The following TJP2 variants were observed in gnomAD, a reference collection of about 807,000 sequenced individuals.
The protein encoded by TJP2 is tight junction protein 2.
In TJP2, 91 loss-of-function variants were observed where a neutral mutation model predicts 133.1. The observed-to-expected ratio is 0.68, with a 90% confidence interval of 0.58 to 0.81. TJP2 has a LOEUF of 0.81. Among genes scored for constraint, TJP2 ranks in the 40% least tolerant of loss-of-function variants. TJP2 has a pLI of 0.00. For synonymous variants in TJP2, 592 were observed against 583.4 expected (o/e 1.01, Z -0.21); for missense variants, 1,541 against 1,565.6 (o/e 0.98, Z 0.26).
intron 18 of TJP2, among the ~76,000 whole-genome samples, chr9:69,247,637 G>A (rs962873197): frequency 6.6e-6 from 1 of 152,168 alleles, no homozygotes; most frequent in Non-Finnish European, 1.5e-5. Context: ...AGGCATGGAT[G>A]TGAGTGTAGC....
intron 15 of TJP2, among the ~76,000 whole-genome samples, chr9:69,238,466 T>G (rs1317467862): frequency 6.6e-6 from 1 of 152,214 alleles, no homozygotes; most frequent in South Asian, 2.1e-4. Flanking sequence ...TCTAAATAAC[T>G]TTGTTACACT....
At chr9:69,173,977 G>C (rs1026607694), upstream of TJP2, 2 of 985,140 alleles carry the variant, frequency 2.0e-6, no homozygotes, top group African/African-American at 1.7e-5. Context: ...GTGCAGGCGT[G>C]GGGGCTGCGG....
Position 69,248,159 on chromosome 9 carries a change from G to T in TJP2, c.2815G>T (p.Glu939Ter), listed in dbSNP as rs1299863699. ...GGAYTDNELD[E>*]PAEEPLVSSI... ...CGCCTACACTGACAATGAGCTGGAT[G>T]AGCCAGCCGAGGAGCCGCTGGTGTC... The change falls in exon 19 of 23, where the codon GAG becomes TAG. Residue 939 changes from glutamate to a stop codon, truncating the protein, a stop_gained. Coordinates refer to ENST00000377245, the MANE Select transcript of TJP2 (RefSeq NM_004817.4). LOFTEE classifies it high-confidence loss of function. The T allele has an allele frequency of 6.2e-7, 1 of 1,613,162 alleles. No individual in the cohort carries two copies. The highest frequency in any genetic ancestry group is 8.5e-7 in the Non-Finnish European group (1 of 1,179,806).
At chr9:69,124,289 C>G (rs1822254596) in intron 1 of TJP2, among the ~76,000 whole-genome samples, 1 of 77,042 alleles carries the variant, frequency 1.3e-5, no homozygotes, top group Non-Finnish European at 3.0e-5. Context: ...ATCCTCCCAC[C>G]TCAGCCTCCC....
At chr9:69,123,208 C>CTTCTCTGATGGCTAATGA (rs1451615587) in intron 1 of TJP2, among the ~76,000 whole-genome samples, 11 of 102,020 alleles carry the variant, frequency 1.1e-4, no homozygotes, top group East Asian at 2.9e-4. Context: ...CACCAGGACA[C>CTTCTCTGATGGCTAATGA]TCTACAGCCG....
chr9:69,240,643 G>A (rs1197399320), intron 17 of TJP2, among the ~76,000 whole-genome samples: 1 of 152,176 alleles, frequency 6.6e-6, no homozygotes, highest in East Asian at 1.9e-4. Flanking sequence ...ACCAGCCTGA[G>A]CAACATGGTG....
At chr9:69,228,807 C>T (rs1241927837) in intron 9 of TJP2, among the ~76,000 whole-genome samples, 1 of 152,106 alleles carries the variant, frequency 6.6e-6, no homozygotes, top group Non-Finnish European at 1.5e-5. Context: ...ATTGTTTTCT[C>T]CCATCCTTGA....
At chr9:69,247,585 C>T (rs1359643160) in intron 18 of TJP2, among the ~76,000 whole-genome samples, 2 of 152,116 alleles carry the variant, frequency 1.3e-5, no homozygotes, top group Non-Finnish European at 2.9e-5. Flanking sequence ...ACAGGTTGAA[C>T]AGGACATAGC....
chr9:69,203,886 T>G (rs1827194616), intron 1 of TJP2, among the ~76,000 whole-genome samples: 1 of 152,164 alleles, frequency 6.6e-6, no homozygotes, highest in Non-Finnish European at 1.5e-5. Context: ...GTGCTAGGAT[T>G]ACAGGCGTGA....
Position 69,236,137 on chromosome 9 carries a change from C to T in TJP2, c.1890C>T (p.Val630=). The stretch of plus-strand genomic sequence containing the variant: ...GCCTGGCCTTCACCAGAGGGGAGGT[C>T]TTCCGAGTGGTAGACACACTGTATG... ...PQSLAFTRGE[V]FRVVDTLYDG... Residue 630 remains valine (V), a synonymous_variant, in exon 13 of 23, where the codon GTC becomes GTT. Transcript: ENST00000377245. 6.2e-7 allele frequency: 1 copy of T among 1,614,162 alleles called. No individual in the cohort carries two copies. Among genetic ancestry groups the T allele is most frequent in the East Asian group, 2.2e-5 (1 of 44,880 alleles).
At chr9:69,248,453 C>T (rs760351456) in intron 19 of TJP2, 62 of 1,381,958 alleles carry the variant, frequency 4.5e-5, no homozygotes, top group Non-Finnish European at 5.5e-5. Context: ...ACTCCGCACA[C>T]CCATGCCCTC....
chr9:69,183,793 G>A (rs909828643), intron 1 of TJP2, among the ~76,000 whole-genome samples: 2 of 152,164 alleles, frequency 1.3e-5, no homozygotes, highest in African/African-American at 4.8e-5. Context: ...GGAGTGCAGT[G>A]GCATGATCTC....
chr9:69,207,547 C>G (rs78730967), intron 1 of TJP2, among the ~76,000 whole-genome samples: 1 of 152,194 alleles, frequency 6.6e-6, no homozygotes, highest in South Asian at 2.1e-4. Flanking sequence ...TTTAGTCACA[C>G]GGTTCTCCCG....
At chr9:69,221,555 C>G in intron 5 of TJP2, 59 bp downstream of exon 5, 3 of 1,554,720 alleles carry the variant, frequency 1.9e-6, no homozygotes, top group South Asian at 2.4e-5. Flanking sequence ...CCTTTGTTTT[C>G]TTAATTTTTT....
intron 1 of TJP2, among the ~76,000 whole-genome samples, chr9:69,179,482 G>A (rs1825331215): frequency 6.6e-6 from 1 of 151,524 alleles, no homozygotes; most frequent in Non-Finnish European, 1.5e-5. Context: ...CGGTGGTGGT[G>A]AAAGTAAGTT....
rs773524045 is a variant in TJP2 at position 69,254,565 on chromosome 9, G to A, written c.*191G>A. The A allele has an allele frequency of 2.8e-6, 2 of 707,270 alleles. No individual in the cohort carries two copies. Among genetic ancestry groups the A allele is most frequent in the South Asian group, 1.7e-5 (1 of 60,114 alleles). 43.8% of individuals were successfully genotyped at this position (707,270 alleles called of 1,614,324 possible). A position where few individuals can be genotyped will look rare whatever the true frequency, so the allele number is the denominator to read the frequency against. Reference sequence around the variant, plus strand: ...TCAGAACTGAGGGCTCTGTTTGTGGGACTGGGTTAGAGGAGTCTGTGGCTT... The same window carrying A: ...TCAGAACTGAGGGCTCTGTTTGTGGAACTGGGTTAGAGGAGTCTGTGGCTT... On this transcript the variant is annotated 3_prime_UTR_variant, in exon 23 of 23. Transcript: ENST00000377245.
chr9:69,211,932 T>C (rs1005868253), intron 1 of TJP2, among the ~76,000 whole-genome samples: 3 of 152,200 alleles, frequency 2.0e-5, no homozygotes, highest in African/African-American at 7.2e-5. Flanking sequence ...CAGCCTGCAT[T>C]TAATGGATTA....
chr9:69,238,288 T>C (rs111375729), intron 15 of TJP2, among the ~76,000 whole-genome samples: 2 of 152,202 alleles, frequency 1.3e-5, no homozygotes, highest in Non-Finnish European at 1.5e-5. Flanking sequence ...AAAGGTAACA[T>C]TGATGTGGTG....
chr9:69,194,411 C>T (rs986273771), intron 1 of TJP2, among the ~76,000 whole-genome samples: 18 of 152,136 alleles, frequency 1.2e-4, no homozygotes, highest in African/African-American at 3.9e-4. Flanking sequence ...GCTATATGCA[C>T]ACAGTGTCTG....
Sources: allele counts gnomAD v4.1 joint callset (sites outside exome capture counted in the v4.1 genomes callset), GRCh38; gene constraint gnomAD v4.1.1; transcripts MANE v1.5; gene names NCBI Gene and HGNC (gene_info 2026-07-23, HGNC 2026-07-21).